FMN1: variants seen among roughly 807,000 people sequenced by gnomAD.
The protein encoded by FMN1 is formin 1.
In FMN1, 110 loss-of-function variants were observed where a neutral mutation model predicts 132.4. The observed-to-expected ratio is 0.83, with a 90% CI of 0.71 to 0.97. FMN1 has a LOEUF of 0.97. Ranked by LOEUF, FMN1 falls within the 50% of genes least tolerant of loss-of-function variation. FMN1 has a pLI of 0.00. For missense variants in FMN1, 1,792 were observed against 1,705.3 expected (o/e 1.05, Z -0.90); for synonymous variants, 722 against 651.7 (o/e 1.11, Z -1.64).
At chr15:32,805,472 G>A (rs1174871129) in intron 17 of FMN1, among the ~76,000 whole-genome samples, 1 of 152,106 alleles carries the variant, frequency 6.6e-6, no homozygotes, top group Non-Finnish European at 1.5e-5. Flanking sequence ...TCTGATGACA[G>A]TTTCTTCTGC....
chr15:33,128,353 G>C (rs1353216296), intron 4 of FMN1, among the ~76,000 whole-genome samples: 1 of 152,086 alleles, frequency 6.6e-6, no homozygotes, highest in African/African-American at 2.4e-5. Flanking sequence ...GATCCTTGAC[G>C]ATCTCAAGGA....
At chr15:33,170,779 C>T (rs1595596133) in intron 3 of FMN1, among the ~76,000 whole-genome samples, 1 of 152,222 alleles carries the variant, frequency 6.6e-6, no homozygotes, top group East Asian at 1.9e-4. Context: ...AACTCATACA[C>T]TGTTGGTGGA....
intron 7 of FMN1, among the ~76,000 whole-genome samples, chr15:32,993,302 G>T (rs2033555954): frequency 6.6e-6 from 1 of 152,102 alleles, no homozygotes; most frequent in Non-Finnish European, 1.5e-5. Flanking sequence ...ACTTCATTTA[G>T]CAAATTTGAA....
At chr15:33,092,272 A>T (rs1566908078) in intron 4 of FMN1, among the ~76,000 whole-genome samples, 1 of 152,206 alleles carries the variant, frequency 6.6e-6, no homozygotes, top group Non-Finnish European at 1.5e-5. Context: ...TGCAAAGGTA[A>T]TAATATGCCA....
chr15:32,810,761 C>A (rs1343670503), intron 17 of FMN1: 1 of 221,298 alleles, frequency 4.5e-6, no homozygotes, highest in Non-Finnish European at 9.2e-6. Flanking sequence ...ATCTGGGAGG[C>A]AGTAAATTGT....
chr15:33,069,993 CTTTTTTTTTTTTTTTTT>C (rs1171369156), intron 5 of FMN1, among the ~76,000 whole-genome samples: 2 of 74,292 alleles, frequency 2.7e-5, no homozygotes, highest in Non-Finnish European at 4.9e-5. Flanking sequence ...CAGTCTTTCT[CTTTTTTTTTTTTTTTTT>C]TTTTTTTTTT....
chr15:33,047,902 T>C (rs931722120), intron 6 of FMN1, among the ~76,000 whole-genome samples: 2 of 152,110 alleles, frequency 1.3e-5, no homozygotes, highest in Admixed American at 1.3e-4. Flanking sequence ...AACTAGTAAA[T>C]GAAAAATCTT....
chr15:33,074,090 G>A (rs2038104646), intron 5 of FMN1, among the ~76,000 whole-genome samples: 1 of 152,012 alleles, frequency 6.6e-6, no homozygotes, highest in African/African-American at 2.4e-5. Context: ...CGGAACAACT[G>A]GCACCAGTTC....
At chr15:33,091,176 T>C (rs553015477) in intron 4 of FMN1, among the ~76,000 whole-genome samples, 1 of 152,344 alleles carries the variant, frequency 6.6e-6, no homozygotes, top group East Asian at 1.9e-4. Context: ...AAGACATTTG[T>C]ATCATCAGAG....
chr15:32,989,211 G>A (rs2033277983), intron 7 of FMN1, among the ~76,000 whole-genome samples: 1 of 152,190 alleles, frequency 6.6e-6, no homozygotes. Flanking sequence ...AGATTCAACT[G>A]TTTGTTGTTT....
At chr15:32,836,147 G>T (rs957164513) in intron 17 of FMN1, among the ~76,000 whole-genome samples, 1 of 152,036 alleles carries the variant, frequency 6.6e-6, no homozygotes, top group Non-Finnish European at 1.5e-5. Context: ...AGGTGTGAGC[G>T]ACTGCTCACA....
intron 9 of FMN1, among the ~76,000 whole-genome samples, chr15:32,949,594 TA>T (rs1212460666): frequency 1.2e-4 from 18 of 151,876 alleles, no homozygotes; most frequent in Non-Finnish European, 2.2e-4. Context: ...CCCAAAACTA[TA>T]AAAACTCTAG....
intron 16 of FMN1, among the ~76,000 whole-genome samples, chr15:32,864,025 A>G (rs943577361): frequency 6.6e-6 from 1 of 152,188 alleles, no homozygotes; most frequent in Admixed American, 6.5e-5. Context: ...CATACTTACA[A>G]TTAATAAAAT....
At chr15:32,877,202 G>A (rs914647656) in intron 16 of FMN1, among the ~76,000 whole-genome samples, 9 of 151,644 alleles carry the variant, frequency 5.9e-5, no homozygotes, top group African/African-American at 2.2e-4. Context: ...CAGGAGAATC[G>A]TTTGAACCCG....
At chr15:33,162,571 G>C (rs185686243) in intron 3 of FMN1, among the ~76,000 whole-genome samples, 1 of 152,144 alleles carries the variant, frequency 6.6e-6, no homozygotes, top group Non-Finnish European at 1.5e-5. Context: ...AGGAAGAAAC[G>C]TAATACAGGA....
chr15:33,071,992 C>A (rs1382713435), intron 5 of FMN1, among the ~76,000 whole-genome samples: 1 of 152,164 alleles, frequency 6.6e-6, no homozygotes, highest in Non-Finnish European at 1.5e-5. Flanking sequence ...CAACCTACCT[C>A]AACTGATTCT....
intron 6 of FMN1, among the ~76,000 whole-genome samples, chr15:33,014,099 A>G (rs572138362): frequency 6.6e-6 from 1 of 152,376 alleles, no homozygotes; most frequent in African/African-American, 2.4e-5. Flanking sequence ...CAAGGATGAC[A>G]GAATCCCTGG....
At chr15:32,900,867 G>T (rs1166416172) in intron 13 of FMN1, among the ~76,000 whole-genome samples, 1 of 152,012 alleles carries the variant, frequency 6.6e-6, no homozygotes, top group African/African-American at 2.4e-5. Context: ...GGTAAAAAAA[G>T]TAATGGCTGG....
At chr15:32,998,641 T>C (rs1047297349) in intron 7 of FMN1, among the ~76,000 whole-genome samples, 2 of 152,174 alleles carry the variant, frequency 1.3e-5, no homozygotes, top group African/African-American at 2.4e-5. Context: ...TCAAAAGCAA[T>C]GGCCAACACG....
Sources: allele counts gnomAD v4.1 joint callset (sites outside exome capture counted in the v4.1 genomes callset), GRCh38; gene constraint gnomAD v4.1.1; transcripts MANE v1.5; gene names NCBI Gene and HGNC (gene_info 2026-07-23, HGNC 2026-07-21).